MAP2: variants seen among roughly 807,000 people sequenced by gnomAD.
MAP2 encodes microtubule associated protein 2.
In MAP2, 14 loss-of-function variants were observed where a neutral mutation model predicts 137.6. That is an observed-to-expected ratio of 0.10 (90% confidence interval 0.07 to 0.16). The LOEUF is 0.16. Ranked by LOEUF, MAP2 falls within the 10% of genes least tolerant of loss-of-function variation. The pLI, the probability that MAP2 is intolerant of heterozygous loss-of-function variation, is 1.00. For synonymous variants in MAP2, 786 were observed against 782.3 expected, an observed-to-expected ratio of 1.00 and a Z score of -0.08; for missense variants, 2,088 against 2,191.5, an observed-to-expected ratio of 0.95 and a Z score of 0.94.
chr2:209,554,326 A>G (rs1305712636), intron 2 of MAP2, among the ~76,000 whole-genome samples: 3 of 152,130 alleles, frequency 2.0e-5, no homozygotes, highest in Non-Finnish European at 4.4e-5. Flanking sequence ...AATTTAGCCC[A>G]CTACTCTGGC....
chr2:209,677,263 A>G (rs1255986293), intron 5 of MAP2, among the ~76,000 whole-genome samples: 1 of 151,980 alleles, frequency 6.6e-6, no homozygotes, highest in Non-Finnish European at 1.5e-5. Context: ...TGCTAATAAG[A>G]TAGTATTATC....
chr2:209,628,451 A>G (rs2153540742), intron 4 of MAP2, among the ~76,000 whole-genome samples: 1 of 152,296 alleles, frequency 6.6e-6, no homozygotes, highest in East Asian at 1.9e-4. Flanking sequence ...TAATTACAGT[A>G]CCAAGCTCAT....
At position 209,426,894 on chromosome 2, in the gene MAP2, A is replaced by T. The variant is rs1211821757; in HGVS notation, c.-222+2618A>T. Among the ~76,000 whole-genome samples the T allele has an allele frequency of 2.0e-5, 3 of 152,176 alleles. No homozygotes were observed. The East Asian group carries it at 5.8e-4, about 29-fold the overall frequency. Reference sequence around the variant, plus strand: ...AGTTCGCAAATTTTCTAAACATCAGAAGGGAAAAGGAAGAAAAATGTTGGT... The same window carrying T: ...AGTTCGCAAATTTTCTAAACATCAGTAGGGAAAAGGAAGAAAAATGTTGGT... On this transcript the variant is annotated intron_variant, in intron 1 of 15. Transcript: ENST00000682079.
chr2:209,730,278 G>A lies in MAP2; in HGVS notation c.5365G>A (p.Ala1789Thr). 1 of 1,614,068 alleles carries A rather than the reference G, an allele frequency of 6.2e-7. No homozygotes were observed. The highest frequency in any genetic ancestry group is 8.5e-7 in the Non-Finnish European group (1 of 1,179,992). Residue 1789 changes from alanine to threonine, a missense_variant, in exon 16 of 16, where the codon GCA becomes ACA. Physicochemically the swap from Ala to Thr is moderately conservative, Grantham distance 58. Around this residue, in one of 6 missense-constraint regions of MAP2, gnomAD observed 112 missense variants for 201.0 expected, o/e 0.56. Transcript: ENST00000682079. ...ACAGTCCCCAGGCAGATCCAGCGTG[G>A]CATCACCCCGACGACTCAGCAATGT... ...ITQSPGRSSV[A>T]SPRRLSNVSS...
chr2:209,436,061 A>C (rs1258540757), intron 1 of MAP2, among the ~76,000 whole-genome samples: 1 of 116,602 alleles, frequency 8.6e-6, no homozygotes, highest in Non-Finnish European at 1.9e-5. Flanking sequence ...AAAATAAAGC[A>C]AAAGAACAAA....
At chr2:209,593,616 C>A (rs2079909143) in intron 3 of MAP2, among the ~76,000 whole-genome samples, 1 of 2,644 alleles carries the variant, frequency 3.8e-4, no homozygotes, top group African/African-American at 5.1e-4. Context: ...GACCCTGTCT[C>A]TACAAAAAAA....
chr2:209,668,167 T>C (rs1365971389), intron 5 of MAP2, among the ~76,000 whole-genome samples: 1 of 152,060 alleles, frequency 6.6e-6, no homozygotes, highest in African/African-American at 2.4e-5. Flanking sequence ...TAAAACTTCA[T>C]TGTCTTCAAG....
At chr2:209,461,239 A>G (rs537411203) in intron 1 of MAP2, among the ~76,000 whole-genome samples, 3 of 152,328 alleles carry the variant, frequency 2.0e-5, no homozygotes, top group African/African-American at 7.2e-5. Context: ...AATGAACTAC[A>G]TGACTACTTA....
intron 2 of MAP2, among the ~76,000 whole-genome samples, chr2:209,574,447 A>G (rs929274828): frequency 1.7e-4 from 26 of 152,126 alleles, no homozygotes; most frequent in Middle Eastern, 3.4e-3. Context: ...ACACACACAC[A>G]CACACACACA....
intron 13 of MAP2, 169 bp downstream of exon 13, chr2:209,710,423 AACGAAAATC>A (rs2065033378): frequency 3.2e-6 from 2 of 625,010 alleles, no homozygotes; most frequent in Admixed American, 6.2e-5. Flanking sequence ...TCTGAAATAC[AACGAAAATC>A]ACATGACATG....
chr2:209,704,569 C>T, intron 11 of MAP2: 1 of 1,611,930 alleles, frequency 6.2e-7, no homozygotes, highest in Non-Finnish European at 8.5e-7. Flanking sequence ...TAATACAGCC[C>T]ACCTCAGCAG....
At chr2:209,519,275 T>A (rs1195258279) in intron 2 of MAP2, among the ~76,000 whole-genome samples, 2 of 152,092 alleles carry the variant, frequency 1.3e-5, no homozygotes, top group Non-Finnish European at 2.9e-5. Context: ...GCTTTCAAGA[T>A]AAACAACAAC....
chr2:209,606,060 A>AT (rs1468294986), intron 3 of MAP2, among the ~76,000 whole-genome samples: 1 of 151,504 alleles, frequency 6.6e-6, no homozygotes, highest in African/African-American at 2.4e-5. Context: ...TTTAGTGACT[A>AT]TGTTCACGTT....
At chr2:209,635,725 T>C (rs1025799837) in intron 4 of MAP2, among the ~76,000 whole-genome samples, 1 of 152,176 alleles carries the variant, frequency 6.6e-6, no homozygotes, top group Non-Finnish European at 1.5e-5. Context: ...GACTGCAGAA[T>C]GCTTGGGTGT....
Position 209,467,940 on chromosome 2 carries a change from C to T in MAP2, c.-221-39652C>T, listed in dbSNP as rs182111630. ...AATGCCTAGCTCATATGAAGTGCTA[C>T]AAGAGGTTGTTACATAAAATAATTA... On this transcript the variant is annotated intron_variant, in intron 1 of 15. Coordinates refer to ENST00000682079, the MANE Select transcript of MAP2 (RefSeq NM_001375505.1). Among the ~76,000 whole-genome samples, 5 of 152,238 alleles carry T rather than the reference C, an allele frequency of 3.3e-5. No individual in the cohort carries two copies. In the East Asian group the frequency reaches 9.7e-4, roughly 29 times the overall value.
intron 1 of MAP2, among the ~76,000 whole-genome samples, chr2:209,467,108 C>A (rs2149666076): frequency 1.3e-5 from 2 of 152,280 alleles, no homozygotes; most frequent in Middle Eastern, 3.4e-3. Flanking sequence ...ATTGACAGAG[C>A]AAAAGCTTTC....
At chr2:209,637,591 C>T (rs2093671525) in intron 4 of MAP2, among the ~76,000 whole-genome samples, 1 of 152,130 alleles carries the variant, frequency 6.6e-6, no homozygotes, top group Admixed American at 6.6e-5. Context: ...GATCAGTCCA[C>T]AGTGGCCCTT....
chr2:209,495,608 A>G (rs2059658309), intron 1 of MAP2, among the ~76,000 whole-genome samples: 1 of 152,244 alleles, frequency 6.6e-6, no homozygotes, highest in Admixed American at 6.5e-5. Context: ...GACTGTCAGA[A>G]GGAAAACTAA....
intron 2 of MAP2, among the ~76,000 whole-genome samples, chr2:209,527,880 A>C (rs559454098): frequency 1.3e-5 from 2 of 152,212 alleles, no homozygotes; most frequent in Non-Finnish European, 2.9e-5. Context: ...TTTGAGAACC[A>C]GTGAGAAGAC....
Sources: gnomAD v4.1 joint callset for allele counts (sites outside exome capture counted in the v4.1 genomes callset) on GRCh38, gnomAD v4.1.1 for gene constraint, gnomAD v4.1.1 regional missense constraint, MANE v1.5 for transcripts, NCBI Gene and HGNC (gene_info 2026-07-23, HGNC 2026-07-21) for gene names.